Variants in SYNDIG1 observed in about 807,000 individuals in gnomAD.
SYNDIG1 encodes synapse differentiation inducing 1, also known as synapse differentiation-inducing gene protein 1.
In SYNDIG1, 9 loss-of-function variants were observed where a neutral mutation model predicts 19.4. The ratio of observed to expected loss-of-function variants is 0.46; its 90% CI spans 0.28 to 0.81. SYNDIG1 has a LOEUF of 0.81. SYNDIG1 is among the 30% of genes least tolerant of loss of function. The probability of loss-of-function intolerance (pLI) is 0.12; values close to 1 mark genes in which losing one functional copy is unlikely to be tolerated. For missense variants in SYNDIG1, 311 were observed against 343.3 expected, an observed-to-expected ratio of 0.91 and a Z score of 0.74; for synonymous variants, 141 against 145.9, an observed-to-expected ratio of 0.97 and a Z score of 0.24.
intron 1 of SYNDIG1, among the ~76,000 whole-genome samples, chr20:24,512,106 AAAATATATATAT>A (rs1600483303): frequency 1.0e-5 from 1 of 98,048 alleles, no homozygotes; most frequent in Non-Finnish European, 1.9e-5. Context: ...ATTGGTCTTT[AAAATATATATAT>A]ATATATATAT....
chr20:24,655,227 G>GA (rs1217133380), intron 3 of SYNDIG1, among the ~76,000 whole-genome samples: 1 of 152,158 alleles, frequency 6.6e-6, no homozygotes, highest in Non-Finnish European at 1.5e-5. Context: ...ATTATAGCCT[G>GA]AAAAAATGTA....
chr20:24,597,658 CA>C (rs1051867598), intron 3 of SYNDIG1, among the ~76,000 whole-genome samples: 1 of 152,150 alleles, frequency 6.6e-6, no homozygotes, highest in Admixed American at 6.5e-5. Flanking sequence ...ACAGAACCTG[CA>C]GCAAGGTTAG....
At chr20:24,659,086 C>G (rs1170871773) in intron 3 of SYNDIG1, among the ~76,000 whole-genome samples, 2 of 152,172 alleles carry the variant, frequency 1.3e-5, no homozygotes, top group Admixed American at 6.5e-5. Flanking sequence ...CCGTTCTGTA[C>G]TGCTGAGCGT....
At chr20:24,606,380 G>A (rs1202358566) in intron 3 of SYNDIG1, among the ~76,000 whole-genome samples, 1 of 152,152 alleles carries the variant, frequency 6.6e-6, no homozygotes, top group Non-Finnish European at 1.5e-5. Context: ...TTTTCTCTGG[G>A]AAACTATTTC....
chr20:24,519,833 G>A (rs1203261600), intron 1 of SYNDIG1, among the ~76,000 whole-genome samples: 6 of 150,774 alleles, frequency 4.0e-5, no homozygotes, highest in Admixed American at 6.6e-5. Flanking sequence ...GCACGCACGC[G>A]CACATGCACA....
intron 1 of SYNDIG1, among the ~76,000 whole-genome samples, chr20:24,517,653 T>A (rs2146515562): frequency 6.9e-6 from 1 of 144,674 alleles, no homozygotes; most frequent in African/African-American, 2.5e-5. Context: ...TATACACATA[T>A]ATATATACAC....
At chr20:24,532,752 G>A (rs2057286149) in intron 1 of SYNDIG1, among the ~76,000 whole-genome samples, 3 of 152,240 alleles carry the variant, frequency 2.0e-5, no homozygotes, top group Admixed American at 2.0e-4. Context: ...TGTTTCGCCA[G>A]CTTTCCAACA....
In SYNDIG1 at chr20:24,655,922, C is replaced by T. The variant is rs112720237; in HGVS notation, c.619-9424C>T. 3.9e-5 allele frequency among the ~76,000 whole-genome samples: 6 copies of T among 152,348 alleles called. 1 individual carries two copies. The highest frequency in any genetic ancestry group is 1.2e-4 in the African/African-American group (5 of 41,578). ...AACAAGAGCCTAGTGAACGGATGGTCCATCACTGCACACACAGGGGTGAGT... is the reference window on the plus strand; with the variant it reads ...AACAAGAGCCTAGTGAACGGATGGTTCATCACTGCACACACAGGGGTGAGT... On this transcript the variant is annotated intron_variant, in intron 3 of 3. Coordinates refer to ENST00000376862, the MANE Select transcript of SYNDIG1 (RefSeq NM_024893.3).
chr20:24,624,233 G>T (rs1445485074), intron 3 of SYNDIG1, among the ~76,000 whole-genome samples: 1 of 140,306 alleles, frequency 7.1e-6, no homozygotes, highest in Admixed American at 7.7e-5. Flanking sequence ...TCCAGCCCGG[G>T]TGACAGAATG....
intron 1 of SYNDIG1, among the ~76,000 whole-genome samples, chr20:24,485,871 C>T (rs1161816690): frequency 6.6e-6 from 1 of 152,138 alleles, no homozygotes; most frequent in South Asian, 2.1e-4. Context: ...CTACTGCCCC[C>T]GATATCACAT....
At chr20:24,576,334 TAAAG>T (rs1329573699) in intron 2 of SYNDIG1, among the ~76,000 whole-genome samples, 2 of 152,242 alleles carry the variant, frequency 1.3e-5, no homozygotes, top group Non-Finnish European at 2.9e-5. Context: ...GGAATTAGAA[TAAAG>T]AGTGAAATAC....
At chr20:24,604,007 G>C (rs2058716820) in intron 3 of SYNDIG1, among the ~76,000 whole-genome samples, 1 of 152,322 alleles carries the variant, frequency 6.6e-6, no homozygotes, top group South Asian at 2.1e-4. Context: ...TTTCTCCGAA[G>C]CTGTCACCTG....
chr20:24,617,201 G>A (rs538699777), intron 3 of SYNDIG1, among the ~76,000 whole-genome samples: 10 of 152,246 alleles, frequency 6.6e-5, no homozygotes, highest in African/African-American at 1.9e-4. Flanking sequence ...GCACCCCATC[G>A]CATGACTCTG....
At chr20:24,483,968 C>T (rs1161305849) in intron 1 of SYNDIG1, among the ~76,000 whole-genome samples, 1 of 152,080 alleles carries the variant, frequency 6.6e-6, no homozygotes, top group Non-Finnish European at 1.5e-5. Context: ...GGGGTCTTCT[C>T]GGCAGAGGGT....
At chr20:24,572,599 G>T (rs1159510180) in intron 2 of SYNDIG1, among the ~76,000 whole-genome samples, 1 of 152,172 alleles carries the variant, frequency 6.6e-6, no homozygotes, top group Non-Finnish European at 1.5e-5. Context: ...AGAAGCTTCT[G>T]GTGCCCTTGG....
rs1159076267 is a variant in SYNDIG1 at position 24,488,608 on chromosome 20, G to C, written c.-79+18855G>C. The stretch of plus-strand genomic sequence containing the variant: ...CTGGAGCCAGAGGGTGTGGACACCA[G>C]AGGAGCCGTCCCTGGGCATCACATT... On this transcript the variant is annotated intron_variant, in intron 1 of 3. Coordinates refer to ENST00000376862, the MANE Select transcript of SYNDIG1 (RefSeq NM_024893.3). Among the ~76,000 whole-genome samples, 3 of 152,250 alleles carry C rather than the reference G, an allele frequency of 2.0e-5. No individual in the cohort carries two copies. In the East Asian group the frequency reaches 5.8e-4, roughly 29 times the overall value.
At position 24,573,138 on chromosome 20, in the gene SYNDIG1, C is replaced by T. The variant is rs535566733; in HGVS notation, c.481-11718C>T. Among the ~76,000 whole-genome samples, 9 of 152,124 alleles carry T rather than the reference C, an allele frequency of 5.9e-5. No individual in the cohort carries two copies. The South Asian group carries it at 1.9e-3, about 32-fold the overall frequency. On this transcript the variant is annotated intron_variant, in intron 2 of 3. Coordinates refer to ENST00000376862, the MANE Select transcript of SYNDIG1 (RefSeq NM_024893.3). ...CATCCTGTGAAGAGCATTCCTGTGGCGCAAGTGAGAATTACCATGCAAGCA... is the reference window on the plus strand; with the variant it reads ...CATCCTGTGAAGAGCATTCCTGTGGTGCAAGTGAGAATTACCATGCAAGCA...
chr20:24,640,308 GA>G (rs1308309225), intron 3 of SYNDIG1, among the ~76,000 whole-genome samples: 1 of 148,290 alleles, frequency 6.7e-6, no homozygotes, highest in Non-Finnish European at 1.5e-5. Flanking sequence ...GTGACAGTGA[GA>G]AAAAAAAGAA....
At chr20:24,644,552 A>C (rs367975263) in intron 3 of SYNDIG1, among the ~76,000 whole-genome samples, 1 of 152,206 alleles carries the variant, frequency 6.6e-6, no homozygotes, top group Admixed American at 6.5e-5. Flanking sequence ...TCACTGGGAC[A>C]CTTGCTCTTG....
Sources: gnomAD v4.1 joint callset for allele counts (sites outside exome capture counted in the v4.1 genomes callset) on GRCh38, gnomAD v4.1.1 for gene constraint, MANE v1.5 for transcripts, NCBI Gene and HGNC (gene_info 2026-07-23, HGNC 2026-07-21) for gene names.